Variants in NUMB observed in about 807,000 individuals in gnomAD.
The protein encoded by NUMB is protein numb homolog.
NUMB carries 29 observed loss-of-function variants against 59.7 expected under a neutral mutation model. The observed-to-expected ratio is 0.49, with a 90% CI of 0.36 to 0.66. The LOEUF (loss-of-function observed/expected upper bound fraction) is 0.66. Ranked by LOEUF, NUMB falls within the 30% of genes least tolerant of loss-of-function variation. NUMB has a pLI of 0.00. For synonymous variants in NUMB, 288 were observed against 288.2 expected (o/e 1.00, Z 0.01); for missense variants, 723 against 822.0 (o/e 0.88, Z 1.47).
At chr14:73,348,845 G>A (rs1893045961) in intron 4 of NUMB, among the ~76,000 whole-genome samples, 1 of 152,174 alleles carries the variant, frequency 6.6e-6, no homozygotes, top group Non-Finnish European at 1.5e-5. Flanking sequence ...AGATTTCACA[G>A]CTGATTAGAA....
At chr14:73,382,731 T>C (rs1371095703) in intron 2 of NUMB, among the ~76,000 whole-genome samples, 2 of 152,184 alleles carry the variant, frequency 1.3e-5, no homozygotes, top group African/African-American at 4.8e-5. Flanking sequence ...AGTATCATCA[T>C]AAAGAGCCTC....
chr14:73,375,460 T>C (rs1894906253), intron 2 of NUMB, among the ~76,000 whole-genome samples: 2 of 152,226 alleles, frequency 1.3e-5, no homozygotes, highest in Admixed American at 1.3e-4. Flanking sequence ...TCATTAACTA[T>C]GCATATTAAA....
intron 2 of NUMB, among the ~76,000 whole-genome samples, chr14:73,378,008 CACACACACACAT>C (rs1359768750): frequency 1.3e-5 from 2 of 149,228 alleles, no homozygotes; most frequent in East Asian, 1.9e-4. Flanking sequence ...CACACACACA[CACACACACACAT>C]ACACACACAC....
At chr14:73,278,436 C>A (rs1888352461) in intron 12 of NUMB, among the ~76,000 whole-genome samples, 1 of 151,930 alleles carries the variant, frequency 6.6e-6, no homozygotes, top group Non-Finnish European at 1.5e-5. Flanking sequence ...AGGAGAGTTG[C>A]TTGAACCTGA....
At chr14:73,279,563 T>C (rs1888466764) in intron 11 of NUMB, 139 bp from the exon 12 acceptor site, 1 of 733,786 alleles carries the variant, frequency 1.4e-6, no homozygotes, top group Non-Finnish European at 2.1e-6. Flanking sequence ...GGGAAAACCA[T>C]GATATCTTGC....
At chr14:73,384,637 G>C (rs1332247891) in intron 2 of NUMB, among the ~76,000 whole-genome samples, 4 of 152,104 alleles carry the variant, frequency 2.6e-5, no homozygotes, top group Non-Finnish European at 5.9e-5. Flanking sequence ...GGGTGATCTT[G>C]GCTAACTGCA....
chr14:73,451,966 C>T lies in NUMB; in HGVS notation c.-233+6527G>A, dbSNP rs57622840. On this transcript the variant is annotated intron_variant, in intron 1 of 12. Transcript: ENST00000555238. ...AAGACTTTGATCTTGGTTAAAAGAA[C>T]GTAAGATAGCCTGAGCACGGTAGCT... Among the ~76,000 whole-genome samples, 255 of 152,124 alleles carry T rather than the reference C, an allele frequency of 1.7e-3. 1 individual carries two copies. Among genetic ancestry groups the T allele is most frequent in the African/African-American group, 5.8e-3 (242 of 41,472 alleles).
intron 1 of NUMB, among the ~76,000 whole-genome samples, chr14:73,440,296 T>C (rs891797761): frequency 1.3e-5 from 2 of 151,686 alleles, no homozygotes. Context: ...TCCATATATC[T>C]ATAGATATCC....
intron 1 of NUMB, among the ~76,000 whole-genome samples, chr14:73,416,908 G>A (rs1163321399): frequency 1.3e-5 from 2 of 151,280 alleles, no homozygotes; most frequent in Non-Finnish European, 1.5e-5. Context: ...GGCCCACCAC[G>A]CCCCCTTATC....
chr14:73,293,321 A>G (rs1334170387), intron 7 of NUMB, among the ~76,000 whole-genome samples: 1 of 151,692 alleles, frequency 6.6e-6, no homozygotes, highest in African/African-American at 2.4e-5. Flanking sequence ...TTTACATTAT[A>G]TATACCCGAT....
intron 7 of NUMB, among the ~76,000 whole-genome samples, chr14:73,293,909 C>T (rs775667079): frequency 1.6e-4 from 24 of 152,184 alleles, no homozygotes; most frequent in Non-Finnish European, 2.5e-4. Context: ...ATACAAGAGA[C>T]ATTTATTTCT....
intron 2 of NUMB, among the ~76,000 whole-genome samples, chr14:73,385,055 G>C (rs1479398612): frequency 6.6e-6 from 1 of 151,872 alleles, no homozygotes; most frequent in Non-Finnish European, 1.5e-5. Context: ...CACCATGCCT[G>C]GCCCAGAACT....
At chr14:73,377,562 C>A (rs754991611) in intron 2 of NUMB, among the ~76,000 whole-genome samples, 2 of 152,254 alleles carry the variant, frequency 1.3e-5, no homozygotes, top group South Asian at 2.1e-4. Context: ...ATCACTTGAA[C>A]CCTGGAGGTG....
chr14:73,410,367 A>C (rs56414012), intron 1 of NUMB, among the ~76,000 whole-genome samples: 7,828 of 152,260 alleles, frequency 0.051, 652 homozygotes, highest in African/African-American at 0.18. Flanking sequence ...ACTGTGATGA[A>C]GACTGAGGGA....
chr14:73,286,141 C>G (rs928636389), intron 9 of NUMB: 5 of 149,068 alleles, frequency 3.4e-5, no homozygotes, highest in Admixed American at 1.3e-4. Context: ...CCTCTGGTCT[C>G]AGCCTCCCAA....
intron 1 of NUMB, among the ~76,000 whole-genome samples, chr14:73,435,824 T>C (rs775118800): frequency 1.3e-5 from 2 of 151,702 alleles, no homozygotes; most frequent in Non-Finnish European, 2.9e-5. Context: ...CTGACCAACA[T>C]GGTGAAACCC....
In NUMB at chr14:73,326,239, A is replaced by G. The variant is rs180950392; in HGVS notation, c.127-3035T>C. Among the ~76,000 whole-genome samples the G allele has an allele frequency of 2.0e-3, 298 of 152,180 alleles. 7 individuals carry two copies. Among genetic ancestry groups the G allele is most frequent in the Middle Eastern group, 6.8e-3 (2 of 294 alleles). ...TGACAGCTGAACTAATATACAGACC[A>G]CCTCCTGGTTCCCAAACTGACCCCT... is the stretch of plus-strand genomic sequence containing the variant. On this transcript the variant is annotated intron_variant, in intron 4 of 12. Transcript: ENST00000555238.
chr14:73,384,492 C>A (rs1262841931), intron 2 of NUMB, among the ~76,000 whole-genome samples: 1 of 152,094 alleles, frequency 6.6e-6, no homozygotes, highest in African/African-American at 2.4e-5. Context: ...AGAAAATAAT[C>A]CCAGATGGAA....
intron 2 of NUMB, among the ~76,000 whole-genome samples, chr14:73,396,116 T>G (rs898917757): frequency 2.0e-5 from 3 of 152,188 alleles, no homozygotes; most frequent in African/African-American, 7.2e-5. Flanking sequence ...TAGGGACTTA[T>G]TCTGTCACCT....
Sources: gnomAD v4.1 joint callset for allele counts (sites outside exome capture counted in the v4.1 genomes callset) on GRCh38, gnomAD v4.1.1 for gene constraint, MANE v1.5 for transcripts, NCBI Gene and HGNC (gene_info 2026-07-23, HGNC 2026-07-21) for gene names.